MFF: variants seen among roughly 807,000 people sequenced by gnomAD.
MFF encodes the protein mitochondrial fission factor, also known as chromosome 2 open reading frame 33.
A neutral mutation model predicts 36.9 loss-of-function variants in MFF; 12 were observed. That is an observed-to-expected ratio of 0.33 (90% CI 0.21 to 0.53). The LOEUF is 0.53. MFF is among the 20% of genes least tolerant of loss of function. MFF has a pLI of 0.95. For missense variants in MFF, 348 were observed against 366.6 expected (o/e 0.95, Z 0.42); for synonymous variants, 99 against 126.2 (o/e 0.78, Z 1.44).
chr2:227,339,521 G>A lies in MFF; in HGVS notation c.352-771G>A, dbSNP rs114581576. 5.0e-3 allele frequency among the ~76,000 whole-genome samples: 764 copies of A among 152,320 alleles called. 4 individuals carry two copies. Among genetic ancestry groups the A allele is most frequent in the African/African-American group, 0.017 (727 of 41,572 alleles). On this transcript the variant is annotated intron_variant, in intron 4 of 8. Transcript: ENST00000304593. ...TAGCTGTTGTCTGGGACCTCCATTA[G>A]GGTTGTTGGCAGGTGCACTTACACA...
chr2:227,357,219 C>A lies in MFF; in HGVS notation c.*102C>A, dbSNP rs770571578. Reference sequence around the variant, plus strand: ...TCTGCATTGTATGCCATTTTATAGTCCACACCCTGAAAATGTATTTCTTCC... The same window carrying A: ...TCTGCATTGTATGCCATTTTATAGTACACACCCTGAAAATGTATTTCTTCC... On this transcript the variant is annotated 3_prime_UTR_variant, in exon 9 of 9. Coordinates refer to ENST00000304593, the MANE Select transcript of MFF (RefSeq NM_001277062.2). 8.1e-7 allele frequency: 1 copy of A among 1,240,820 alleles called. No individual in the cohort carries two copies. The highest frequency in any genetic ancestry group is 1.1e-6 in the Non-Finnish European group (1 of 889,034). 76.9% of individuals were successfully genotyped at this position (1,240,820 alleles called of 1,614,324 possible). A position where few individuals can be genotyped will look rare whatever the true frequency, so the allele number is the denominator to read the frequency against.
intron 7 of MFF, among the ~76,000 whole-genome samples, chr2:227,354,493 G>T (rs763228578): frequency 1.7e-4 from 26 of 152,094 alleles, no homozygotes; most frequent in Non-Finnish European, 3.2e-4. Context: ...ACCATTTAGG[G>T]TATAAAATAC....
chr2:227,348,949 TTTCTC>T (rs770353791), intron 6 of MFF, among the ~76,000 whole-genome samples: 12 of 152,184 alleles, frequency 7.9e-5, no homozygotes, highest in East Asian at 7.7e-4. Context: ...AAGGGCCTGT[TTTCTC>T]TTCCCTCCTT....
chr2:227,343,638 G>A (rs2075544506), intron 5 of MFF, among the ~76,000 whole-genome samples: 1 of 152,136 alleles, frequency 6.6e-6, no homozygotes, highest in South Asian at 2.1e-4. Flanking sequence ...CCTCACCGAA[G>A]AGGTTAAATT....
At chr2:227,333,920 A>G (rs2074791211) in intron 4 of MFF, among the ~76,000 whole-genome samples, 1 of 152,214 alleles carries the variant, frequency 6.6e-6, no homozygotes, top group African/African-American at 2.4e-5. Context: ...GTGAGTGAAG[A>G]AAGTTTGCCG....
At position 227,329,768 on chromosome 2, in the gene MFF, ACACAT is replaced by A. The variant is rs780940608; in HGVS notation, c.-40-854_-40-850del. 16 of 1,581,338 alleles carry A rather than the reference ACACAT, an allele frequency of 1.0e-5. No homozygotes were observed. In the South Asian group the frequency reaches 1.8e-4, roughly 18 times the overall value. The stretch of plus-strand genomic sequence containing the variant: ...TAAATGAGTAAAGGAACAAGCAGTG[ACACAT>A]CACTAGGAAGGTCAGTGAAATTTTA... On this transcript the variant is annotated intron_variant, in intron 2 of 8. Transcript: ENST00000304593.
At chr2:227,353,763 G>A (rs1261902305) in intron 7 of MFF, among the ~76,000 whole-genome samples, 1 of 152,084 alleles carries the variant, frequency 6.6e-6, no homozygotes, top group African/African-American at 2.4e-5. Flanking sequence ...TGCAAATCGA[G>A]ATTTCAGATA....
At chr2:227,352,394 G>GT in intron 6 of MFF, 120 bp from the exon 7 acceptor site, 1 of 733,040 alleles carries the variant, frequency 1.4e-6, no homozygotes, top group Non-Finnish European at 2.4e-6. Flanking sequence ...ATATTATATT[G>GT]TATTGAAATA....
chr2:227,342,850 G>A, intron 5 of MFF: 1 of 1,580,542 alleles, frequency 6.3e-7, no homozygotes, highest in South Asian at 1.1e-5. Context: ...CTTTTGACAA[G>A]TAGTTGTTTT....
At chr2:227,354,254 A>G (rs1396028191) in intron 7 of MFF, among the ~76,000 whole-genome samples, 3 of 152,218 alleles carry the variant, frequency 2.0e-5, no homozygotes, top group Non-Finnish European at 4.4e-5. Flanking sequence ...ATTTAAAACA[A>G]AAGGATTTTC....
At chr2:227,345,783 A>G (rs6721179) in intron 5 of MFF, among the ~76,000 whole-genome samples, 48,817 of 152,018 alleles carry the variant, frequency 0.32, 8,122 homozygotes, top group Admixed American at 0.43. Context: ...GCTTATATGT[A>G]TTCCCAGAGA....
At position 227,340,537 on chromosome 2, in the gene MFF, C is replaced by A. The variant is rs2075333766; in HGVS notation, c.440+157C>A. The stretch of plus-strand genomic sequence containing the variant: ...TACTTTTTGTAATCTTAAAATCTGG[C>A]CATTTTGTTGGTCCTGAGAATTTTT... On this transcript the variant is annotated intron_variant, in intron 5 of 8. Transcript: ENST00000304593. 8 of 602,550 alleles carry A rather than the reference C, an allele frequency of 1.3e-5. No homozygotes were observed. The South Asian group carries it at 1.5e-4, about 11-fold the overall frequency. The allele number at this position is 602,550 out of a possible 1,614,324, so 37.3% of individuals were successfully genotyped here.
At chr2:227,343,617 G>A (rs2075541732) in intron 5 of MFF, among the ~76,000 whole-genome samples, 1 of 151,916 alleles carries the variant, frequency 6.6e-6, no homozygotes, top group Non-Finnish European at 1.5e-5. Flanking sequence ...CTATTTTTTG[G>A]AAGAGTGATA....
intron 4 of MFF, 36 bp from the exon 5 acceptor site, chr2:227,340,256 A>G (rs780257915): frequency 3.2e-6 from 5 of 1,546,912 alleles, no homozygotes; most frequent in South Asian, 2.2e-5. Flanking sequence ...TACTAAGAAT[A>G]TTTCTATTTC....
chr2:227,340,508 G>C, intron 5 of MFF, 128 bp downstream of exon 5: 1 of 700,028 alleles, frequency 1.4e-6, no homozygotes, highest in South Asian at 2.0e-5. Flanking sequence ...TTATATTTTT[G>C]TAATACTTTT....
At chr2:227,355,793 C>A in intron 8 of MFF, 32 bp downstream of exon 8, 2 of 1,298,746 alleles carry the variant, frequency 1.5e-6, no homozygotes, top group Non-Finnish European at 2.2e-6. Flanking sequence ...ATATATTTCT[C>A]AGTTATATTC....
chr2:227,330,823 T>G lies in MFF; in HGVS notation c.158T>G (p.Val53Gly). 1 of 1,614,134 alleles carries G rather than the reference T, an allele frequency of 6.2e-7. No homozygotes were observed. The highest frequency in any genetic ancestry group is 8.5e-7 in the Non-Finnish European group (1 of 1,179,962). The change falls in exon 3 of 9, where the codon GTT (valine) becomes GGT (glycine). Residue 53 changes from valine to glycine, a missense_variant. Transcript: ENST00000304593. ...CCAAATGCTAGTGTGATAATGCAAG[T>G]TCCGGAGAGGATTGTTGTAGCAGGT... ...GVPNASVIMQ[V>G]PERIVVAGNN...
chr2:227,328,313 AAAAAAAAC>A (rs1463857641), intron 1 of MFF, among the ~76,000 whole-genome samples: 7 of 148,104 alleles, frequency 4.7e-5, no homozygotes, highest in Non-Finnish European at 8.9e-5. Flanking sequence ...AAAAAAAAAA[AAAAAAAAC>A]CAATTCATTT....
chr2:227,329,952 T>C, intron 2 of MFF: 1 of 492,240 alleles, frequency 2.0e-6, no homozygotes, highest in Non-Finnish European at 3.6e-6. Flanking sequence ...AAATATGATA[T>C]TAAATACAGA....
Sources: allele counts gnomAD v4.1 joint callset (sites outside exome capture counted in the v4.1 genomes callset), GRCh38; gene constraint gnomAD v4.1.1; transcripts MANE v1.5; gene names NCBI Gene and HGNC (gene_info 2026-07-23, HGNC 2026-07-21).